The following CDH23 variants were observed in gnomAD, a reference collection of about 807,000 sequenced individuals.
CDH23 encodes cadherin related 23.
Under a neutral mutation model 317.1 loss-of-function variants are expected in CDH23, and 189 were observed. The observed-to-expected ratio is 0.60, with a 90% CI of 0.53 to 0.67. The LOEUF (loss-of-function observed/expected upper bound fraction) is 0.67. CDH23 is among the 30% of genes least tolerant of loss of function. CDH23 has a pLI of 0.00. For synonymous variants in CDH23, 1,839 were observed against 1,876.8 expected (o/e 0.98, Z 0.52); for missense variants, 4,401 against 4,592.4 (o/e 0.96, Z 1.20).
rs138436308 is a variant in CDH23 at position 71,442,943 on chromosome 10, G to A, written c.67+3045G>A. On this transcript the variant is annotated intron_variant, in intron 2 of 69. Coordinates refer to ENST00000224721, the MANE Select transcript of CDH23 (RefSeq NM_022124.6). ...GGCTTTTTGTCCCCATCCTGAGGCT[G>A]GAAAATGGGGCGGAGGGCGAGGCAG... 2.0e-5 allele frequency among the ~76,000 whole-genome samples: 3 copies of A among 152,316 alleles called. No homozygotes were observed. The East Asian group carries it at 5.8e-4, about 29-fold the overall frequency.
intron 22 of CDH23, among the ~76,000 whole-genome samples, chr10:71,698,006 G>C (rs1344723953): frequency 1.3e-5 from 2 of 152,196 alleles, no homozygotes; most frequent in Admixed American, 6.5e-5. Context: ...ATTAAAACTT[G>C]TTATATGAAA....
chr10:71,418,938 T>G (rs954617285), intron 1 of CDH23, among the ~76,000 whole-genome samples: 1 of 152,248 alleles, frequency 6.6e-6, no homozygotes, highest in African/African-American at 2.4e-5. Flanking sequence ...CTGTGGGAAC[T>G]AACTAATAAA....
At chr10:71,511,094 C>G in intron 5 of CDH23, 26 bp from the exon 6 acceptor site, 1 of 1,612,000 alleles carries the variant, frequency 6.2e-7, no homozygotes. Flanking sequence ...GGTGGCGGCG[C>G]TAATTGCCCG....
At chr10:71,533,619 A>G (rs1564637252) in intron 6 of CDH23, among the ~76,000 whole-genome samples, 1 of 151,720 alleles carries the variant, frequency 6.6e-6, no homozygotes, top group East Asian at 1.9e-4. Flanking sequence ...GCAGCCTGTT[A>G]AAAGCGTAGG....
chr10:71,459,085 C>CTTTTTTTTTTTTTTTTTTTTT (rs372627407), intron 3 of CDH23, among the ~76,000 whole-genome samples: 1 of 102,570 alleles, frequency 9.7e-6, no homozygotes. Context: ...CACACCTGGC[C>CTTTTTTTTTTTTTTTTTTTTT]TTTTTTTTTT....
intron 1 of CDH23, among the ~76,000 whole-genome samples, chr10:71,420,613 C>T (rs1028480662): frequency 6.7e-6 from 1 of 148,376 alleles, no homozygotes; most frequent in Non-Finnish European, 1.5e-5. Context: ...GCTGCTGCTA[C>T]TAATAATAGC....
intron 9 of CDH23, among the ~76,000 whole-genome samples, chr10:71,584,212 T>C (rs922837352): frequency 2.0e-5 from 3 of 152,152 alleles, no homozygotes; most frequent in African/African-American, 7.2e-5. Context: ...TGACATTTCA[T>C]GTCGGGGGAG....
chr10:71,708,786 G>A lies in CDH23; in HGVS notation c.3107-312G>A, dbSNP rs116988391. On this transcript the variant is annotated intron_variant, in intron 26 of 69. Coordinates refer to ENST00000224721, the MANE Select transcript of CDH23 (RefSeq NM_022124.6). ...GGACCCACGCATGGAGAAACCCAGAGTGGCACAGGCACATCACTGAGTGAG... is the reference window on the plus strand; with the variant it reads ...GGACCCACGCATGGAGAAACCCAGAATGGCACAGGCACATCACTGAGTGAG... Among the ~76,000 whole-genome samples the A allele has an allele frequency of 0.011, 1,683 of 152,374 alleles. 13 individuals are homozygous for A. Among genetic ancestry groups the A allele is most frequent in the Non-Finnish European group, 0.017 (1,159 of 68,036 alleles).
chr10:71,768,407 G>A (rs113650025), intron 38 of CDH23, among the ~76,000 whole-genome samples: 2,669 of 152,226 alleles, frequency 0.018, 89 homozygotes, highest in African/African-American at 0.062. Context: ...CTGACCTCAT[G>A]TGATCCACCC....
At chr10:71,791,765 G>A (rs754873573) in intron 47 of CDH23, among the ~76,000 whole-genome samples, 2 of 151,638 alleles carry the variant, frequency 1.3e-5, no homozygotes, top group African/African-American at 2.4e-5. Flanking sequence ...TAGTAGAGAC[G>A]GGGTTTCACC....
chr10:71,728,521 T>C (rs1564761466), intron 30 of CDH23, among the ~76,000 whole-genome samples: 1 of 152,110 alleles, frequency 6.6e-6, no homozygotes, highest in Non-Finnish European at 1.5e-5. Flanking sequence ...TCCCAGCTAA[T>C]CCCCAAAGAG....
At chr10:71,403,167 C>T (rs1007270403) in intron 1 of CDH23, among the ~76,000 whole-genome samples, 1 of 151,998 alleles carries the variant, frequency 6.6e-6, no homozygotes, top group African/African-American at 2.4e-5. Context: ...AAAACAAATC[C>T]AGCAGTCTGT....
chr10:71,673,036 T>G (rs79734580), intron 14 of CDH23, among the ~76,000 whole-genome samples: 2,470 of 152,302 alleles, frequency 0.016, 79 homozygotes, highest in African/African-American at 0.057. Context: ...TTCTGTCATT[T>G]GCTTCACTTC....
In CDH23 at chr10:71,397,255, C is replaced by A; in HGVS notation, c.-69C>A. 5.1e-6 allele frequency: 1 copy of A among 197,054 alleles called. No homozygotes were observed. The allele number at this position is 197,054 out of a possible 1,614,324, so 12.2% of individuals were successfully genotyped here. A position where few individuals can be genotyped will look rare whatever the true frequency, so the allele number is the denominator to read the frequency against. ...GCCAGAGCAGGCGGCCCGCGGGGGC[C>A]GATCCGGCGGAGAGCAGAGCCCGAG... On this transcript the variant is annotated 5_prime_UTR_variant, in exon 1 of 70. Coordinates refer to ENST00000224721, the MANE Select transcript of CDH23 (RefSeq NM_022124.6). The surrounding 1 kb of genome is among the most constrained non-coding windows in gnomAD (Gnocchi z 4.8).
chr10:71,566,675 C>A, intron 6 of CDH23, 67 bp from the exon 7 acceptor site: 1 of 1,431,114 alleles, frequency 7.0e-7, no homozygotes. Context: ...CTTTGAGGGA[C>A]TCAGCCCTGA....
At chr10:71,452,410 C>T (rs951444020) in intron 3 of CDH23, among the ~76,000 whole-genome samples, 3 of 152,148 alleles carry the variant, frequency 2.0e-5, no homozygotes, top group Admixed American at 6.5e-5. Flanking sequence ...CGAGTCGCCC[C>T]CACTCTCCAC....
intron 3 of CDH23, among the ~76,000 whole-genome samples, chr10:71,461,140 C>G (rs1163732703): frequency 6.6e-6 from 1 of 152,242 alleles, no homozygotes; most frequent in African/African-American, 2.4e-5. Flanking sequence ...CCACTGCTCC[C>G]TCCACCCCTG....
rs531485407 is a variant in CDH23 at position 71,711,821 on chromosome 10, A to AG, written c.3221-842dup. On this transcript the variant is annotated intron_variant, in intron 27 of 69. Transcript: ENST00000224721. ...GCCTGTCCGCTGTGGACTGGAGTGG[A>AG]GGACAGCTGCCCTTCCAGCGGGGCC... The AG allele has an allele frequency of 5.9e-5, 9 of 152,090 alleles. No homozygotes were observed. The South Asian group carries it at 1.7e-3, about 28-fold the overall frequency. The allele number at this position is 152,090 out of a possible 1,614,324, so 9.4% of individuals were successfully genotyped here.
chr10:71,799,097 C>G lies in CDH23; in HGVS notation c.7055-14C>G. On this transcript the variant is annotated splice_polypyrimidine_tract_variant and intron_variant, in intron 50 of 69. Coordinates refer to ENST00000224721, the MANE Select transcript of CDH23 (RefSeq NM_022124.6). ...GGAGTGGCCAAAATGGCAGTGGGAG[C>G]CTCTGTGTCTTAGGGAAGGTCATTG... 6.2e-7 allele frequency: 1 copy of G among 1,605,910 alleles called. No homozygotes were observed. The highest frequency in any genetic ancestry group is 1.1e-5 in the South Asian group (1 of 90,650).
Sources: gnomAD v4.1 joint callset for allele counts (sites outside exome capture counted in the v4.1 genomes callset) on GRCh38, gnomAD v4.1.1 for gene constraint, Gnocchi (gnomAD v3.1) non-coding constraint, MANE v1.5 for transcripts, NCBI Gene and HGNC (gene_info 2026-07-23, HGNC 2026-07-21) for gene names.